Variants in MBNL1 observed in about 807,000 individuals in gnomAD.
MBNL1 encodes the protein muscleblind-like protein 1.
A neutral mutation model predicts 42.2 loss-of-function variants in MBNL1; 8 were observed. The ratio of observed to expected loss-of-function variants is 0.19; its 90% CI spans 0.11 to 0.34. MBNL1 has a LOEUF of 0.34. MBNL1 is among the 10% of genes least tolerant of loss of function. The pLI is 1.00. For missense variants in MBNL1, 309 were observed against 495.3 expected, an observed-to-expected ratio of 0.62 and a Z score of 3.57; for synonymous variants, 169 against 173.9, an observed-to-expected ratio of 0.97 and a Z score of 0.22.
chr3:152,277,248 A>G (rs1336452201), intron 1 of MBNL1, among the ~76,000 whole-genome samples: 1 of 152,120 alleles, frequency 6.6e-6, no homozygotes, highest in Non-Finnish European at 1.5e-5. Flanking sequence ...TTTGTCCCAA[A>G]TTGGTAATTT....
chr3:152,285,625 T>C (rs1178735033), intron 1 of MBNL1, among the ~76,000 whole-genome samples: 1 of 145,810 alleles, frequency 6.9e-6, no homozygotes, highest in East Asian at 2.1e-4. Context: ...CTTTTTTTTT[T>C]TCAATTTTTT....
chr3:152,368,711 C>T (rs573400096), intron 2 of MBNL1, among the ~76,000 whole-genome samples: 5 of 152,244 alleles, frequency 3.3e-5, no homozygotes, highest in Admixed American at 2.0e-4. Flanking sequence ...TTGTAGTTCT[C>T]CTTGAAGAGG....
At chr3:152,410,182 T>A (rs1281507464) in intron 2 of MBNL1, among the ~76,000 whole-genome samples, 1 of 152,130 alleles carries the variant, frequency 6.6e-6, no homozygotes, top group Admixed American at 6.5e-5. Flanking sequence ...GTAATGTTTA[T>A]AAATGAATCA....
At chr3:152,268,019 T>C (rs1297081831), upstream of MBNL1, 1 of 152,220 alleles carries the variant, frequency 6.6e-6, no homozygotes, top group Non-Finnish European at 1.5e-5. Flanking sequence ...CAGGATTCTT[T>C]CCATTCAAAG....
At chr3:152,357,255 G>T (rs1051090341) in intron 2 of MBNL1, among the ~76,000 whole-genome samples, 1 of 152,114 alleles carries the variant, frequency 6.6e-6, no homozygotes, top group African/African-American at 2.4e-5. Flanking sequence ...GCAGGATTCA[G>T]TTTTCAGAAG....
At chr3:152,367,108 A>G (rs1047502232) in intron 2 of MBNL1, among the ~76,000 whole-genome samples, 3 of 152,098 alleles carry the variant, frequency 2.0e-5, no homozygotes, top group African/African-American at 7.2e-5. Context: ...TACACGTGCC[A>G]TGGTGGTTTG....
chr3:152,321,552 A>G (rs889901785), intron 2 of MBNL1, among the ~76,000 whole-genome samples: 5 of 152,066 alleles, frequency 3.3e-5, no homozygotes, highest in African/African-American at 1.2e-4. Flanking sequence ...TGTCTTGAAC[A>G]GTGAGCCTCT....
At chr3:152,326,203 C>A (rs559811691) in intron 2 of MBNL1, among the ~76,000 whole-genome samples, 1 of 152,042 alleles carries the variant, frequency 6.6e-6, no homozygotes, top group Non-Finnish European at 1.5e-5. Context: ...TTAATAGGTA[C>A]GTTTTTCCAG....
chr3:152,339,834 T>C (rs906964316), intron 2 of MBNL1: 2 of 152,178 alleles, frequency 1.3e-5, no homozygotes, highest in Admixed American at 1.3e-4. Flanking sequence ...TTTATTGATA[T>C]TTCATTTAAC....
chr3:152,291,757 G>A (rs77206905), intron 1 of MBNL1, among the ~76,000 whole-genome samples: 2 of 152,098 alleles, frequency 1.3e-5, no homozygotes, highest in Non-Finnish European at 2.9e-5. Context: ...ACAGTACTAT[G>A]TAGTATTAGA....
intron 1 of MBNL1, among the ~76,000 whole-genome samples, chr3:152,272,235 G>T (rs756478169): frequency 2.0e-5 from 3 of 152,004 alleles, no homozygotes; most frequent in Non-Finnish European, 4.4e-5. Context: ...GAAATACCTC[G>T]TCTTTCTTAT....
chr3:152,390,637 A>ACACACG (rs2097676976), intron 2 of MBNL1, among the ~76,000 whole-genome samples: 1 of 151,822 alleles, frequency 6.6e-6, no homozygotes, highest in African/African-American at 2.4e-5. Context: ...ACACACACAC[A>ACACACG]CACACACACT....
At chr3:152,302,742 T>A (rs1463502539) in intron 2 of MBNL1, among the ~76,000 whole-genome samples, 1 of 152,108 alleles carries the variant, frequency 6.6e-6, no homozygotes, top group Non-Finnish European at 1.5e-5. Context: ...CGGAAAAAAA[T>A]TTAGAAAACT....
At chr3:152,382,682 T>C (rs1445024353) in intron 2 of MBNL1, among the ~76,000 whole-genome samples, 1 of 152,140 alleles carries the variant, frequency 6.6e-6, no homozygotes, top group Non-Finnish European at 1.5e-5. Flanking sequence ...AGTGGCAGAA[T>C]ATAAAAAGGA....
intron 2 of MBNL1, among the ~76,000 whole-genome samples, chr3:152,317,021 T>G (rs1273526098): frequency 2.0e-5 from 3 of 152,102 alleles, no homozygotes; most frequent in African/African-American, 7.2e-5. Context: ...CCATTAAATT[T>G]CTGATTCAAA....
At chr3:152,362,867 T>C (rs549730000) in intron 2 of MBNL1, among the ~76,000 whole-genome samples, 1 of 152,290 alleles carries the variant, frequency 6.6e-6, no homozygotes, top group African/African-American at 2.4e-5. Context: ...TCTGTACTTG[T>C]AGAGATATAG....
intron 2 of MBNL1, among the ~76,000 whole-genome samples, chr3:152,251,580 A>G (rs2034535770): frequency 6.6e-6 from 1 of 152,070 alleles, no homozygotes; most frequent in Non-Finnish European, 1.5e-5. Context: ...GATTTTAATC[A>G]TTATGGCATA....
chr3:152,329,491 G>GAA (rs143390772), intron 2 of MBNL1, among the ~76,000 whole-genome samples: 1 of 150,154 alleles, frequency 6.7e-6, no homozygotes, highest in East Asian at 2.0e-4. Flanking sequence ...GAAAAGAAAA[G>GAA]AAAAAAAATT....
At chr3:152,445,834 C>T (rs889049400) in intron 5 of MBNL1, among the ~76,000 whole-genome samples, 1 of 152,060 alleles carries the variant, frequency 6.6e-6, no homozygotes, top group African/African-American at 2.4e-5. Context: ...TTCAACTTAA[C>T]GATATTGCCA....
Sources: gnomAD v4.1 joint callset for allele counts (sites outside exome capture counted in the v4.1 genomes callset) on GRCh38, gnomAD v4.1.1 for gene constraint, MANE v1.5 for transcripts, NCBI Gene and HGNC (gene_info 2026-07-23, HGNC 2026-07-21) for gene names.